The following RGS6 variants were observed in gnomAD, a reference collection of about 807,000 sequenced individuals.
RGS6 encodes the protein regulator of G protein signaling 6.
In RGS6, 30 loss-of-function variants were observed where a neutral mutation model predicts 78.5. That is an observed-to-expected ratio of 0.38 (90% CI 0.29 to 0.52). The LOEUF (loss-of-function observed/expected upper bound fraction) is 0.52. Among genes scored for constraint, RGS6 ranks in the 20% least tolerant of loss-of-function variants. The pLI, the probability that RGS6 is intolerant of heterozygous loss-of-function variation, is 0.85. For missense variants in RGS6, 495 were observed against 609.7 expected, an observed-to-expected ratio of 0.81 and a Z score of 1.98; for synonymous variants, 206 against 206.0, an observed-to-expected ratio of 1.00 and a Z score of 0.00.
At chr14:71,935,717 C>T (rs2089020024) in intron 1 of RGS6, among the ~76,000 whole-genome samples, 1 of 151,742 alleles carries the variant, frequency 6.6e-6, no homozygotes. Flanking sequence ...ACTCCAACTT[C>T]TCCTGTGGCC....
At chr14:72,303,091 A>T (rs76738364) in intron 2 of RGS6, among the ~76,000 whole-genome samples, 1,580 of 152,320 alleles carry the variant, frequency 0.01, 21 homozygotes, top group African/African-American at 0.036. Flanking sequence ...TAGCAGCATG[A>T]GAACAGACTA....
At chr14:72,519,575 T>C (rs1443805644) in intron 15 of RGS6, among the ~76,000 whole-genome samples, 1 of 152,188 alleles carries the variant, frequency 6.6e-6, no homozygotes, top group Non-Finnish European at 1.5e-5. Flanking sequence ...TGGAAACACC[T>C]ACCAACCTCA....
chr14:72,604,418 T>C, the RGS6 span, among the ~76,000 whole-genome samples: 1 of 152,198 alleles, frequency 6.6e-6, no homozygotes, highest in African/African-American at 2.4e-5. Flanking sequence ...ACAGATGATC[T>C]CCCTTCCTGT....
chr14:72,226,725 CAG>C (rs972509448), intron 2 of RGS6, among the ~76,000 whole-genome samples: 50 of 152,348 alleles, frequency 3.3e-4, no homozygotes, highest in African/African-American at 1.2e-3. Context: ...TTGATTGAGA[CAG>C]AGTCATGCTG....
intron 2 of RGS6, among the ~76,000 whole-genome samples, chr14:72,039,758 C>G (rs1042705716): frequency 9.1e-5 from 13 of 143,598 alleles, no homozygotes; most frequent in Admixed American, 8.3e-4. Flanking sequence ...TTGTATCTAT[C>G]TATTCCTCTT....
At chr14:72,614,251 T>C in the RGS6 span, among the ~76,000 whole-genome samples, 1 of 152,128 alleles carries the variant, frequency 6.6e-6, no homozygotes, top group Non-Finnish European at 1.5e-5. Context: ...CCAGTTAGAC[T>C]CTATGGCAAG....
intron 2 of RGS6, among the ~76,000 whole-genome samples, chr14:72,263,780 G>A (rs574433808): frequency 1.2e-4 from 19 of 152,306 alleles, no homozygotes; most frequent in Admixed American, 3.3e-4. Flanking sequence ...CCAGTCTCCA[G>A]AACTGTGAGA....
intron 16 of RGS6, among the ~76,000 whole-genome samples, chr14:72,539,571 A>G (rs1459195477): frequency 6.6e-6 from 1 of 152,150 alleles, no homozygotes; most frequent in Non-Finnish European, 1.5e-5. Context: ...CCCCTTCCTG[A>G]CGTCCCTCCC....
intron 3 of RGS6, among the ~76,000 whole-genome samples, chr14:72,414,821 A>G (rs1223813905): frequency 1.3e-5 from 2 of 152,230 alleles, no homozygotes; most frequent in Non-Finnish European, 2.9e-5. Flanking sequence ...GGTCCACTCC[A>G]GAGCCTGTTT....
intron 3 of RGS6, among the ~76,000 whole-genome samples, chr14:72,414,635 G>A (rs950760938): frequency 6.6e-6 from 1 of 152,188 alleles, no homozygotes; most frequent in Non-Finnish European, 1.5e-5. Flanking sequence ...GAGGAGAGGT[G>A]CTCTGATTTT....
At chr14:72,374,039 G>A (rs530782749) in intron 3 of RGS6, among the ~76,000 whole-genome samples, 17 of 151,846 alleles carry the variant, frequency 1.1e-4, no homozygotes, top group Non-Finnish European at 2.2e-4. Context: ...CTATCCAAAG[G>A]AATTTAAAAT....
chr14:72,028,889 A>G (rs1596313966), intron 2 of RGS6, among the ~76,000 whole-genome samples: 2 of 152,362 alleles, frequency 1.3e-5, no homozygotes, highest in East Asian at 3.9e-4. Flanking sequence ...TCTCACCTGT[A>G]GGTCAAGTCC....
At chr14:72,525,737 C>G (rs749170113) in intron 15 of RGS6, among the ~76,000 whole-genome samples, 1 of 152,192 alleles carries the variant, frequency 6.6e-6, no homozygotes, top group East Asian at 1.9e-4. Flanking sequence ...GCCAGTATCA[C>G]AAGACCACAC....
In RGS6 at chr14:72,026,350, T is replaced by C. The variant is rs370594150; in HGVS notation, c.84+61475T>C. On this transcript the variant is annotated intron_variant, in intron 2 of 17. Coordinates refer to ENST00000553525, the MANE Select transcript of RGS6 (RefSeq NM_001204424.2). ...TGAACCCAGGAGGCAGAGGTTGCAGTGAGCTGAGATTGTGCCACTGCACTC... is the reference window on the plus strand; with the variant it reads ...TGAACCCAGGAGGCAGAGGTTGCAGCGAGCTGAGATTGTGCCACTGCACTC... 4.6e-5 allele frequency among the ~76,000 whole-genome samples: 7 copies of C among 152,102 alleles called. No homozygotes were observed. The South Asian group carries it at 1.5e-3, about 32-fold the overall frequency.
chr14:72,629,858 A>C, the RGS6 span: 1 of 787,894 alleles, frequency 1.3e-6, no homozygotes, highest in Non-Finnish European at 2.1e-6. Flanking sequence ...TGACGTAGGG[A>C]AAAAAATGGG....
intron 12 of RGS6, among the ~76,000 whole-genome samples, chr14:72,493,950 T>C (rs1251931399): frequency 2.0e-5 from 3 of 152,024 alleles, no homozygotes; most frequent in Non-Finnish European, 4.4e-5. Context: ...AATCAGGGAG[T>C]AAAAGCAAGA....
chr14:72,078,086 G>C (rs1001771280), intron 2 of RGS6, among the ~76,000 whole-genome samples: 3 of 152,164 alleles, frequency 2.0e-5, no homozygotes, highest in African/African-American at 7.2e-5. Context: ...TGGCAGTAGG[G>C]CCTGGTGGGA....
chr14:72,016,490 A>C lies in RGS6; in HGVS notation c.84+51615A>C, dbSNP rs985912944. The stretch of plus-strand genomic sequence containing the variant: ...ACGCCATTCTCCTGCCTCAGCCTCC[A>C]GAGTAGCTGGGACTACAGGTGCCTG... On this transcript the variant is annotated intron_variant, in intron 2 of 17. Coordinates refer to ENST00000553525, the MANE Select transcript of RGS6 (RefSeq NM_001204424.2). Among the ~76,000 whole-genome samples, 5 of 151,992 alleles carry C rather than the reference A, an allele frequency of 3.3e-5. No homozygotes were observed. In the East Asian group the frequency reaches 7.7e-4, roughly 24 times the overall value.
At chr14:72,604,006 T>C in the RGS6 span, among the ~76,000 whole-genome samples, 3 of 152,098 alleles carry the variant, frequency 2.0e-5, no homozygotes. Flanking sequence ...TAGTATAGTT[T>C]AACAGGATCC....
Sources: gnomAD v4.1 joint callset for allele counts (sites outside exome capture counted in the v4.1 genomes callset) on GRCh38, gnomAD v4.1.1 for gene constraint, MANE v1.5 for transcripts, NCBI Gene and HGNC (gene_info 2026-07-23, HGNC 2026-07-21) for gene names.